The following PLN variants were observed in gnomAD, a reference collection of about 807,000 sequenced individuals.
PLN encodes the protein phospholamban, also known as cardiac phospholamban.
PLN carries 1 observed loss-of-function variant against 3.9 expected under a neutral mutation model. The observed-to-expected ratio is 0.26, with a 90% CI of 0.09 to 1.23. The LOEUF is 1.23. Among genes scored for constraint, PLN ranks in the 50% most tolerant of loss-of-function variants. The pLI is 0.48. For missense variants in PLN, 59 were observed against 62.7 expected, an observed-to-expected ratio of 0.94 and a Z score of 0.20; for synonymous variants, 21 against 20.5, an observed-to-expected ratio of 1.02 and a Z score of -0.07.
In PLN at chr6:118,560,866, T is replaced by C. The variant is rs939661891; in HGVS notation, c.*1786T>C. On this transcript the variant is annotated 3_prime_UTR_variant, in exon 2 of 2. Transcript: ENST00000357525. ...CTAAAGTTTAAAATTAAGTCTAAAA[T>C]AGTTTACACCTATACTGCATAATCC... 4 of 152,386 alleles carry C rather than the reference T, an allele frequency of 2.6e-5. No homozygotes were observed. Among genetic ancestry groups the C allele is most frequent in the African/African-American group, 9.6e-5 (4 of 41,456 alleles). The allele number at this position is 152,386 out of a possible 1,614,324, so 9.4% of individuals were successfully genotyped here.
Position 118,559,308 on chromosome 6 carries a change from G to T in PLN, c.*228G>T. 1 of 528,108 alleles carries T rather than the reference G, an allele frequency of 1.9e-6. No homozygotes were observed. The highest frequency in any genetic ancestry group is 2.1e-5 in the South Asian group (1 of 47,698). 32.7% of individuals were successfully genotyped at this position (528,108 alleles called of 1,614,324 possible). ...TTTTCAAAAATTAACTTCAAAATAA[G>T]TGTATAAAATGCAACTGTTGATTTC... is the stretch of plus-strand genomic sequence containing the variant. On this transcript the variant is annotated 3_prime_UTR_variant, in exon 2 of 2. Transcript: ENST00000357525.
rs1779198260 is a variant in PLN, at chr6:118,561,092, A to C, written c.*2012A>C. Among the ~76,000 whole-genome samples the C allele has an allele frequency of 6.6e-6, 1 of 152,202 alleles. No individual in the cohort carries two copies. The highest frequency in any genetic ancestry group is 6.5e-5 in the Admixed American group (1 of 15,274). The stretch of plus-strand genomic sequence containing the variant: ...TAAATTTTCTGAACCCATGAGAGAT[A>C]CTAGAGATGGGGAGTGGAAAGTGTT... On this transcript the variant is annotated 3_prime_UTR_variant, in exon 2 of 2. Coordinates refer to ENST00000357525, the MANE Select transcript of PLN (RefSeq NM_002667.5).
At chr6:118,550,974 C>T (rs1401327302) in intron 1 of PLN, among the ~76,000 whole-genome samples, 1 of 151,780 alleles carries the variant, frequency 6.6e-6, no homozygotes. Flanking sequence ...AAAATTCAAA[C>T]TAACTGCACA....
At chr6:118,550,669 C>G (rs895443310) in intron 1 of PLN, among the ~76,000 whole-genome samples, 1 of 151,810 alleles carries the variant, frequency 6.6e-6, no homozygotes, top group Non-Finnish European at 1.5e-5. Context: ...TGTCACTAAG[C>G]CACATGCACA....
At position 118,558,864 on chromosome 6, in the gene PLN, A is replaced by T; in HGVS notation, c.-58A>T. ...GACAGTTATCTCATATTTGGCTGCC[A>T]GCTTTTTATCTTTCTCTCGACCACT... On this transcript the variant is annotated 5_prime_UTR_variant, in exon 2 of 2. Transcript: ENST00000357525. 1.4e-6 allele frequency: 2 copies of T among 1,384,420 alleles called. No individual in the cohort carries two copies. Among genetic ancestry groups the T allele is most frequent in the South Asian group, 2.3e-5 (2 of 85,914 alleles). The allele number at this position is 1,384,420 out of a possible 1,614,324, so 85.8% of individuals were successfully genotyped here. A position where few individuals can be genotyped will look rare whatever the true frequency, so the allele number is the denominator to read the frequency against.
chr6:118,558,676 G>A, intron 1 of PLN, 149 bp from the exon 2 acceptor site: 1 of 524,222 alleles, frequency 1.9e-6, no homozygotes, highest in Non-Finnish European at 3.4e-6. Flanking sequence ...GAGAGAGAGA[G>A]AGAGAGAGAG....
chr6:118,558,723 A>G (rs1779048469), intron 1 of PLN, 102 bp from the exon 2 acceptor site: 2 of 608,676 alleles, frequency 3.3e-6, no homozygotes, highest in East Asian at 2.8e-5. Context: ...GTTATAAATA[A>G]CAATAGTGCT....
intron 1 of PLN, among the ~76,000 whole-genome samples, chr6:118,557,267 C>G (rs1778932919): frequency 6.6e-6 from 1 of 151,968 alleles, no homozygotes; most frequent in Admixed American, 6.5e-5. Flanking sequence ...TATGCATTTC[C>G]TTTTTATGAG....
At position 118,559,750 on chromosome 6, in the gene PLN, T is replaced by C. The variant is rs921133125; in HGVS notation, c.*670T>C. 1.2e-5 allele frequency: 2 copies of C among 168,048 alleles called. No homozygotes were observed. Among genetic ancestry groups the C allele is most frequent in the African/African-American group, 4.8e-5 (2 of 41,474 alleles). 10.4% of individuals were successfully genotyped at this position (168,048 alleles called of 1,614,324 possible). On this transcript the variant is annotated 3_prime_UTR_variant, in exon 2 of 2. Coordinates refer to ENST00000357525, the MANE Select transcript of PLN (RefSeq NM_002667.5). ...TAATAAAATTCCTTTTAAGTAATTT[T>C]TTCAAAGAATCACAGAATTCTAGTA...
At chr6:118,550,149 T>C (rs1159786304) in intron 1 of PLN, among the ~76,000 whole-genome samples, 1 of 151,934 alleles carries the variant, frequency 6.6e-6, no homozygotes, top group Middle Eastern at 3.2e-3. Context: ...CTTGCTTTAC[T>C]AAAAGGCGTG....
rs143537451 is a variant in PLN at position 118,561,048 on chromosome 6, A to G, written c.*1968A>G. ...TTCTTACACAAGTGTTGCTAACTCAATAGTGAAGGAGACACTATTAAATTT... is the reference window on the plus strand; with the variant it reads ...TTCTTACACAAGTGTTGCTAACTCAGTAGTGAAGGAGACACTATTAAATTT... On this transcript the variant is annotated 3_prime_UTR_variant, in exon 2 of 2. Transcript: ENST00000357525. Among the ~76,000 whole-genome samples, 45 of 152,210 alleles carry G rather than the reference A, an allele frequency of 3.0e-4. No individual in the cohort carries two copies. The highest frequency in any genetic ancestry group is 5.6e-4 in the Non-Finnish European group (38 of 68,022).
intron 1 of PLN, among the ~76,000 whole-genome samples, chr6:118,557,605 G>A (rs1778952997): frequency 6.6e-6 from 1 of 152,146 alleles, no homozygotes; most frequent in African/African-American, 2.4e-5. Context: ...TGTATCCTGT[G>A]ATGGAGTGGC....
intron 1 of PLN, among the ~76,000 whole-genome samples, chr6:118,555,843 T>TC (rs1423198351): frequency 6.7e-6 from 1 of 149,246 alleles, no homozygotes; most frequent in Non-Finnish European, 1.5e-5. Flanking sequence ...GTTGTTTCCT[T>TC]CTTTGTGTTC....
In PLN at chr6:118,559,221, T is replaced by G; in HGVS notation, c.*141T>G. On this transcript the variant is annotated 3_prime_UTR_variant, in exon 2 of 2. Coordinates refer to ENST00000357525, the MANE Select transcript of PLN (RefSeq NM_002667.5). ...TTTGTGAAAAGGTCAAGATTAAGAC[T>G]AAAACTTATTGTTACCATATGTATT... 1 of 762,348 alleles carries G rather than the reference T, an allele frequency of 1.3e-6. No homozygotes were observed. The highest frequency in any genetic ancestry group is 2.4e-6 in the Non-Finnish European group (1 of 413,626). 47.2% of individuals were successfully genotyped at this position (762,348 alleles called of 1,614,324 possible). A position where few individuals can be genotyped will look rare whatever the true frequency, so the allele number is the denominator to read the frequency against.
At chr6:118,551,336 A>G (rs944861239) in intron 1 of PLN, among the ~76,000 whole-genome samples, 1 of 151,810 alleles carries the variant, frequency 6.6e-6, no homozygotes, top group African/African-American at 2.4e-5. Flanking sequence ...CCGCACAAAA[A>G]AAAAGGTTGA....
Position 118,559,102 on chromosome 6 carries a change from T to C in PLN, c.*22T>C, listed in dbSNP as rs781189307. 2 of 1,589,512 alleles carry C rather than the reference T, an allele frequency of 1.3e-6. No homozygotes were observed. Among genetic ancestry groups the C allele is most frequent in the Non-Finnish European group, 1.7e-6 (2 of 1,157,698 alleles). On this transcript the variant is annotated 3_prime_UTR_variant, in exon 2 of 2. Coordinates refer to ENST00000357525, the MANE Select transcript of PLN (RefSeq NM_002667.5). Reference sequence around the variant, plus strand: ...CTGAAGTTCTGCTACAACCTCTAGATCTGCAGCTTGCCACATCAGCTTAAA... The same window carrying C: ...CTGAAGTTCTGCTACAACCTCTAGACCTGCAGCTTGCCACATCAGCTTAAA...
chr6:118,556,943 T>C (rs1778913650), intron 1 of PLN, among the ~76,000 whole-genome samples: 2 of 152,168 alleles, frequency 1.3e-5, no homozygotes, highest in Non-Finnish European at 2.9e-5. Context: ...CATCAAAGTA[T>C]AGGCCCCACA....
chr6:118,550,611 G>A (rs1282863880), intron 1 of PLN, among the ~76,000 whole-genome samples: 1 of 151,784 alleles, frequency 6.6e-6, no homozygotes, highest in Non-Finnish European at 1.5e-5. Context: ...AACTGCTCAA[G>A]ATCACAGAAC....
At chr6:118,556,006 A>G (rs183837503) in intron 1 of PLN, among the ~76,000 whole-genome samples, 348 of 152,238 alleles carry the variant, frequency 2.3e-3, no homozygotes, top group African/African-American at 8.1e-3. Flanking sequence ...GCTGCATAGT[A>G]TTGCATGGTG....
Sources: gnomAD v4.1 joint callset for allele counts (sites outside exome capture counted in the v4.1 genomes callset) on GRCh38, gnomAD v4.1.1 for gene constraint, MANE v1.5 for transcripts, NCBI Gene and HGNC (gene_info 2026-07-23, HGNC 2026-07-21) for gene names.